The following SYNE2 variants were observed in gnomAD, a reference collection of about 807,000 sequenced individuals.
SYNE2 encodes the protein nesprin-2.
In SYNE2, 431 loss-of-function variants were observed where a neutral mutation model predicts 856.3. That is an observed-to-expected ratio of 0.50 (90% CI 0.47 to 0.55). The LOEUF (loss-of-function observed/expected upper bound fraction) is 0.55. SYNE2 is among the 20% of genes least tolerant of loss of function. The probability of loss-of-function intolerance (pLI) is 0.00; values close to 1 mark genes in which losing one functional copy is unlikely to be tolerated. For synonymous variants in SYNE2, 2,923 were observed against 2,872.3 expected (o/e 1.02, Z -0.56); for missense variants, 8,129 against 8,023.2 (o/e 1.01, Z -0.50).
intron 109 of SYNE2, 104 bp from the exon 110 acceptor site, chr14:64,219,104 G>GTTTTTTGTTTTTT: frequency 4.9e-6 from 2 of 407,786 alleles, no homozygotes; most frequent in South Asian, 2.5e-5. Flanking sequence ...CAGTTTTTTT[G>GTTTTTTGTTTTTT]TTTTTTTTTT....
chr14:64,008,990 G>A (rs2096822684), intron 31 of SYNE2, among the ~76,000 whole-genome samples: 2 of 152,014 alleles, frequency 1.3e-5, no homozygotes, highest in African/African-American at 2.4e-5. Context: ...TTCCATTTGG[G>A]TACACCTCCT....
At chr14:64,219,750 A>G (rs571417181) in intron 110 of SYNE2, among the ~76,000 whole-genome samples, 1 of 152,306 alleles carries the variant, frequency 6.6e-6, no homozygotes, top group Admixed American at 6.5e-5. Flanking sequence ...CACTCTTCCA[A>G]ACTGTATGCT....
chr14:64,158,662 A>G lies in SYNE2; in HGVS notation c.15830A>G (p.Gln5277Arg), dbSNP rs868699393. ...QLKTSMQSVL[Q>R]EWKIYDQLYD... ...AAAACCTCCATGCAGTCAGTTTTACAGGAGTGGAAGATTTATGATCAACTC... is the reference window on the plus strand; with the variant it reads ...AAAACCTCCATGCAGTCAGTTTTACGGGAGTGGAAGATTTATGATCAACTC... Residue 5277 changes from glutamine to arginine, a missense_variant, in exon 86 of 116, where the codon CAG (glutamine) becomes CGG (arginine). Gln to Arg is a conservative substitution (Grantham distance 43). Transcript: ENST00000555002. The G allele has an allele frequency of 6.2e-7, 1 of 1,614,024 alleles. No individual in the cohort carries two copies. The highest frequency in any genetic ancestry group is 1.6e-4 in the Middle Eastern group (1 of 6,062).
At chr14:63,964,963 T>TG (rs2096370852) in intron 10 of SYNE2, among the ~76,000 whole-genome samples, 1 of 131,484 alleles carries the variant, frequency 7.6e-6, no homozygotes, top group Non-Finnish European at 1.6e-5. Flanking sequence ...TGAACATTTC[T>TG]TTTTTTTTTT....
intron 34 of SYNE2, among the ~76,000 whole-genome samples, chr14:64,017,991 T>C (rs532975450): frequency 3.8e-4 from 58 of 152,330 alleles, no homozygotes; most frequent in African/African-American, 1.3e-3. Context: ...GGAAACGTGC[T>C]AGTATTACGT....
chr14:64,216,088 C>G lies in SYNE2; in HGVS notation c.19403-160C>G, dbSNP rs982138960. ...GGCACAGTGTTGCTGAGTTGCATGACTCATCTCATTCTCTTCTGGGACATA... is the reference window on the plus strand; with the variant it reads ...GGCACAGTGTTGCTGAGTTGCATGAGTCATCTCATTCTCTTCTGGGACATA... On this transcript the variant is annotated intron_variant, in intron 107 of 115. Transcript: ENST00000555002. 1.1e-5 allele frequency: 16 copies of G among 1,521,730 alleles called. No homozygotes were observed. The East Asian group carries it at 3.9e-4, about 37-fold the overall frequency. 94.3% of individuals were successfully genotyped at this position (1,521,730 alleles called of 1,614,324 possible).
At chr14:63,771,144 A>G (rs966501610) in intron 1 of SYNE2, among the ~76,000 whole-genome samples, 6 of 138,466 alleles carry the variant, frequency 4.3e-5, no homozygotes, top group Admixed American at 4.2e-4. Flanking sequence ...ATCTCGGCTC[A>G]CTGCAAGCTC....
chr14:64,074,760 G>A (rs1228490210), intron 53 of SYNE2, among the ~76,000 whole-genome samples: 1 of 152,068 alleles, frequency 6.6e-6, no homozygotes, highest in Non-Finnish European at 1.5e-5. Context: ...GCCAGGCATG[G>A]TAGCGTGTGC....
In SYNE2 at chr14:64,129,830, G is replaced by A. The variant is rs1391191055; in HGVS notation, c.14068G>A (p.Ala4690Thr). 2.0e-5 allele frequency: 32 copies of A among 1,614,050 alleles called. No homozygotes were observed. The highest frequency in any genetic ancestry group is 2.6e-5 in the Non-Finnish European group (31 of 1,180,044). ...GCTGGAGAACGCCGAGAGCCGAGTG[G>A]CCAAACTAAGAGATGAAGGGGAGAG... ...VELENAESRV[A>T]KLRDEGERLH... Residue 4690 changes from alanine (A) to threonine (T), a missense_variant, in exon 75 of 116, where the codon GCC becomes ACC. Physicochemically the swap from Ala to Thr is moderately conservative, Grantham distance 58. Transcript: ENST00000555002.
chr14:64,138,940 A>G (rs7149789), intron 79 of SYNE2, among the ~76,000 whole-genome samples: 5,882 of 116,274 alleles, frequency 0.051, 320 homozygotes, highest in African/African-American at 0.21. Context: ...GTGTGTGTGT[A>G]TGTATGGTGT....
chr14:64,185,145 C>G (rs2098482282), intron 96 of SYNE2, among the ~76,000 whole-genome samples: 1 of 152,176 alleles, frequency 6.6e-6, no homozygotes, highest in African/African-American at 2.4e-5. Context: ...ATAGTCTCAG[C>G]TACTCTGGAG....
chr14:64,191,220 A>G (rs2098517418), intron 99 of SYNE2: 1 of 263,132 alleles, frequency 3.8e-6, no homozygotes, highest in African/African-American at 2.3e-5. Context: ...TAAGTTTGGC[A>G]TCTTCTTTAC....
chr14:64,111,518 G>T (rs1235744898), intron 65 of SYNE2, among the ~76,000 whole-genome samples: 1 of 152,036 alleles, frequency 6.6e-6, no homozygotes, highest in Non-Finnish European at 1.5e-5. Flanking sequence ...AAAAATCAGG[G>T]CCAGGCGCTG....
At position 63,815,241 on chromosome 14, in the gene SYNE2, G is replaced by GAT. The variant is rs751791953; in HGVS notation, c.-304-37244_-304-37243dup. On this transcript the variant is annotated intron_variant, in intron 1 of 23. Coordinates refer to the SYNE2 transcript ENST00000674003. ...CCATATATATATCCATATATATATG[G>GAT]ATATATATATATATATAAGGGAGTT... Among the ~76,000 whole-genome samples, 452 of 85,682 alleles carry GAT rather than the reference G, an allele frequency of 5.3e-3. 16 individuals carry two copies. The highest frequency in any genetic ancestry group is 0.016 in the East Asian group (48 of 2,948). 56.2% of individuals were successfully genotyped at this position (85,682 alleles called of 152,430 possible). A position where few individuals can be genotyped will look rare whatever the true frequency, so the allele number is the denominator to read the frequency against.
chr14:64,089,137 G>C (rs1246537202), intron 58 of SYNE2, among the ~76,000 whole-genome samples: 1 of 151,966 alleles, frequency 6.6e-6, no homozygotes, highest in East Asian at 1.9e-4. Context: ...AGGCCGAGGC[G>C]GGTGGATCAC....
chr14:63,862,340 G>A (rs1410719470), intron 1 of SYNE2, among the ~76,000 whole-genome samples: 1 of 152,206 alleles, frequency 6.6e-6, no homozygotes, highest in Non-Finnish European at 1.5e-5. Context: ...GGAGTGCAGC[G>A]TGGTGTGATT....
intron 8 of SYNE2, among the ~76,000 whole-genome samples, chr14:63,959,806 ACTTTT>A (rs1464922682): frequency 6.6e-6 from 1 of 151,404 alleles, no homozygotes; most frequent in East Asian, 1.9e-4. Flanking sequence ...TGTTTTAAAT[ACTTTT>A]CTTATATTAT....
intron 45 of SYNE2, among the ~76,000 whole-genome samples, chr14:64,034,980 A>C (rs1016077581): frequency 6.6e-6 from 1 of 150,532 alleles, no homozygotes; most frequent in Admixed American, 6.7e-5. Flanking sequence ...CTTATCTAGT[A>C]TGGAATGATC....
At chr14:63,806,151 T>G (rs1332415249) in intron 1 of SYNE2, among the ~76,000 whole-genome samples, 1 of 152,186 alleles carries the variant, frequency 6.6e-6, no homozygotes, top group East Asian at 1.9e-4. Flanking sequence ...TGATGTATGT[T>G]TCTCTAATGC....
Sources: gnomAD v4.1 joint callset for allele counts (sites outside exome capture counted in the v4.1 genomes callset) on GRCh38, gnomAD v4.1.1 for gene constraint, MANE v1.5 for transcripts, NCBI Gene and HGNC (gene_info 2026-07-23, HGNC 2026-07-21) for gene names.